Variants in ZNF638 observed in about 807,000 individuals in gnomAD.
ZNF638 encodes zinc finger protein 638, also known as CTCL tumor antigen se33-1.
A neutral mutation model predicts 195.6 loss-of-function variants in ZNF638; 46 were observed. That is an observed-to-expected ratio of 0.24 (90% CI 0.19 to 0.30). The LOEUF is 0.30. Among genes scored for constraint, ZNF638 ranks in the 10% least tolerant of loss-of-function variants. ZNF638 has a pLI of 1.00. For missense variants in ZNF638, 2,440 were observed against 2,325.3 expected (o/e 1.05, Z -1.01); for synonymous variants, 845 against 772.0 (o/e 1.09, Z -1.57).
At position 71,395,435 on chromosome 2, in the gene ZNF638, A is replaced by C. The variant is rs978525433; in HGVS notation, c.2378-706A>C. On this transcript the variant is annotated intron_variant, in intron 10 of 27. Coordinates refer to ENST00000264447, the MANE Select transcript of ZNF638 (RefSeq NM_014497.5). ...TCTTGGAAGTCCAGGAGGTTTTGCAAAGCTTCGGGAGAGAATAAAGGCTGA... is the reference window on the plus strand; with the variant it reads ...TCTTGGAAGTCCAGGAGGTTTTGCACAGCTTCGGGAGAGAATAAAGGCTGA... The C allele has an allele frequency of 4.7e-6, 3 of 635,168 alleles. No individual in the cohort carries two copies. In the African/African-American group the frequency reaches 5.5e-5, roughly 12 times the overall value. The allele number at this position is 635,168 out of a possible 1,614,324, so 39.3% of individuals were successfully genotyped here. A position where few individuals can be genotyped will look rare whatever the true frequency, so the allele number is the denominator to read the frequency against.
intron 6 of ZNF638, among the ~76,000 whole-genome samples, chr2:71,367,788 C>CT (rs2079230033): frequency 6.7e-6 from 1 of 148,808 alleles, no homozygotes; most frequent in Non-Finnish European, 1.5e-5. Context: ...CCATCCTGGT[C>CT]TTAAACTCCT....
intron 21 of ZNF638, among the ~76,000 whole-genome samples, chr2:71,420,905 T>C (rs1307092280): frequency 3.3e-5 from 5 of 152,234 alleles, no homozygotes; most frequent in African/African-American, 1.2e-4. Flanking sequence ...AGGACAAATA[T>C]GGAATTAAAT....
intron 1 of ZNF638, among the ~76,000 whole-genome samples, chr2:71,332,508 G>C (rs962670715): frequency 4.6e-5 from 7 of 152,216 alleles, no homozygotes; most frequent in African/African-American, 1.7e-4. Context: ...TGAAACCAAA[G>C]AAAATATCAC....
In ZNF638 at chr2:71,364,270, A is replaced by G. The variant is rs536253936; in HGVS notation, c.1717+18A>G. 1 of 1,595,096 alleles carries G rather than the reference A, an allele frequency of 6.3e-7. No individual in the cohort carries two copies. The highest frequency in any genetic ancestry group is 1.1e-5 in the South Asian group (1 of 88,530). ...ATCATCAGGTACACTGATGGCCATGAAATAGTGAATGTACTTATTTTGACT... is the reference window on the plus strand; with the variant it reads ...ATCATCAGGTACACTGATGGCCATGGAATAGTGAATGTACTTATTTTGACT... On this transcript the variant is annotated intron_variant, in intron 5 of 27. Coordinates refer to ENST00000264447, the MANE Select transcript of ZNF638 (RefSeq NM_014497.5).
At chr2:71,336,850 C>T (rs2078679987) in intron 1 of ZNF638, among the ~76,000 whole-genome samples, 1 of 152,168 alleles carries the variant, frequency 6.6e-6, no homozygotes, top group Admixed American at 6.5e-5. Context: ...GACTGTGCTG[C>T]ACTACCTCTC....
At chr2:71,406,327 G>T in intron 19 of ZNF638, 65 bp downstream of exon 19, 1 of 1,431,262 alleles carries the variant, frequency 7.0e-7, no homozygotes, top group South Asian at 1.2e-5. Flanking sequence ...CCTGTATTCT[G>T]ACAATCTGCA....
At chr2:71,360,511 AT>A (rs1267888092) in intron 3 of ZNF638, among the ~76,000 whole-genome samples, 1 of 151,604 alleles carries the variant, frequency 6.6e-6, no homozygotes, top group Non-Finnish European at 1.5e-5. Context: ...TTCAGTTAAG[AT>A]TTATGCATTA....
Position 71,426,587 on chromosome 2 carries a change from C to G in ZNF638, c.4718C>G (p.Pro1573Arg). Residue 1573 changes from proline (P) to arginine (R), a missense_variant, in exon 24 of 28, where the codon CCT (proline) becomes CGT (arginine). Coordinates refer to ENST00000264447, the MANE Select transcript of ZNF638 (RefSeq NM_014497.5). Reference protein sequence around the residue: ...GKRKETLKNVPFSELNLKKKK... With the variant: ...GKRKETLKNVRFSELNLKKKK... Reference sequence around the variant, plus strand: ...AGGAAAGAAACTCTCAAAAATGTTCCTTTCTCTGAACTTAACTTAAAGAAG... The same window carrying G: ...AGGAAAGAAACTCTCAAAAATGTTCGTTTCTCTGAACTTAACTTAAAGAAG... 1 of 1,614,102 alleles carries G rather than the reference C, an allele frequency of 6.2e-7. No individual in the cohort carries two copies. The highest frequency in any genetic ancestry group is 2.2e-5 in the East Asian group (1 of 44,870).
Position 71,406,197 on chromosome 2 carries a change from G to A in ZNF638, c.3070G>A (p.Val1024Ile), listed in dbSNP as rs200414897. ...TTTACCGGAAGATGGACTTCAGTGTGTACTTTGTGTTGGACTTCAGTTTGG... is the reference window on the plus strand; with the variant it reads ...TTTACCGGAAGATGGACTTCAGTGTATACTTTGTGTTGGACTTCAGTTTGG... ...DNLPEDGLQC[V>I]LCVGLQFGKV... Residue 1024 changes from valine (V) to isoleucine (I), a missense_variant, in exon 19 of 28, where the codon GTA (valine) becomes ATA (isoleucine). Val to Ile is a conservative substitution (Grantham distance 29). Around this residue, in one of 5 missense-constraint regions of ZNF638, gnomAD observed 1,883 missense variants for 1,739.1 expected, o/e 1.08. Coordinates refer to ENST00000264447, the MANE Select transcript of ZNF638 (RefSeq NM_014497.5). 4.3e-6 allele frequency: 7 copies of A among 1,613,586 alleles called. No homozygotes were observed. The highest frequency in any genetic ancestry group is 5.9e-6 in the Non-Finnish European group (7 of 1,179,608).
At chr2:71,403,795 T>C in intron 16 of ZNF638, 75 bp from the exon 17 acceptor site, 1 of 1,108,000 alleles carries the variant, frequency 9.0e-7, no homozygotes, top group South Asian at 1.8e-5. Flanking sequence ...AAGTAGTTTG[T>C]TTATACTTGC....
At chr2:71,359,533 A>G (rs980071175) in intron 3 of ZNF638, among the ~76,000 whole-genome samples, 1 of 152,344 alleles carries the variant, frequency 6.6e-6, no homozygotes, top group Non-Finnish European at 1.5e-5. Flanking sequence ...ACTGACTCAC[A>G]GACTAATCTT....
chr2:71,423,961 T>G lies in ZNF638; in HGVS notation c.4447T>G (p.Tyr1483Asp), dbSNP rs751939405. Reference sequence around the variant, plus strand: ...GCAAGGCAAGCTTTCTAAACTGGATTACAGAGATATAACAAAACAATCTCA... The same window carrying G: ...GCAAGGCAAGCTTTCTAAACTGGATGACAGAGATATAACAAAACAATCTCA... ...ALQGKLSKLD[Y>D]RDITKQSQET... Residue 1483 changes from tyrosine to aspartate, a missense_variant, in exon 22 of 28, where the codon TAC becomes GAC. Around this residue, in one of 5 missense-constraint regions of ZNF638, gnomAD observed 1,883 missense variants for 1,739.1 expected, o/e 1.08. Transcript: ENST00000264447. The G allele has an allele frequency of 5.0e-6, 8 of 1,613,926 alleles. No individual in the cohort carries two copies. The highest frequency in any genetic ancestry group is 6.8e-6 in the Non-Finnish European group (8 of 1,179,986).
intron 1 of ZNF638, among the ~76,000 whole-genome samples, chr2:71,347,797 G>C (rs1047634346): frequency 6.6e-6 from 1 of 152,196 alleles, no homozygotes; most frequent in South Asian, 2.1e-4. Context: ...CCTGGAAACT[G>C]TAAGTTACTT....
At position 71,386,531 on chromosome 2, in the gene ZNF638, A is replaced by G. The variant is rs147930427; in HGVS notation, c.2377+5966A>G. Among the ~76,000 whole-genome samples the G allele has an allele frequency of 1.7e-3, 262 of 152,286 alleles. 1 individual carries two copies. Among genetic ancestry groups the G allele is most frequent in the African/African-American group, 6.1e-3 (253 of 41,564 alleles). On this transcript the variant is annotated intron_variant, in intron 10 of 27. Transcript: ENST00000264447. ...AAAACTAATAACCATTAACCAGTAC[A>G]ATGTAATTCAAGAGGCATGGAAATT... is the stretch of plus-strand genomic sequence containing the variant.
At chr2:71,417,123 A>G (rs1210843675) in intron 20 of ZNF638, among the ~76,000 whole-genome samples, 1 of 146,632 alleles carries the variant, frequency 6.8e-6, no homozygotes, top group Non-Finnish European at 1.5e-5. Context: ...GCTAGCAATC[A>G]GCGAGATTCC....
At chr2:71,351,250 C>T (rs971545642) in intron 2 of ZNF638, among the ~76,000 whole-genome samples, 4 of 152,094 alleles carry the variant, frequency 2.6e-5, no homozygotes, top group Non-Finnish European at 2.9e-5. Context: ...TGCTGCCTTT[C>T]GATTTTCTTT....
intron 10 of ZNF638, among the ~76,000 whole-genome samples, chr2:71,383,433 A>G (rs1285164319): frequency 6.6e-6 from 1 of 152,154 alleles, no homozygotes; most frequent in Non-Finnish European, 1.5e-5. Flanking sequence ...AAAGCGTTGC[A>G]TATACTAAAT....
Position 71,423,468 on chromosome 2 carries a change from G to C in ZNF638, c.3954G>C (p.Lys1318Asn), listed in dbSNP as rs370943989. The change falls in exon 22 of 28, where the codon AAG becomes AAC. Residue 1318 changes from lysine (K) to asparagine (N), a missense_variant. Lys to Asn is a moderately conservative substitution (Grantham distance 94). Around this residue, in one of 5 missense-constraint regions of ZNF638, gnomAD observed 1,883 missense variants for 1,739.1 expected, o/e 1.08. Transcript: ENST00000264447. ...AGGAGGAGAAGGAATTTAATACTAA[G>C]GAAACCAGAATGGATCTTCAAATAG... ...DEKEEKEFNT[K>N]ETRMDLQIGT... The C allele has an allele frequency of 1.2e-6, 2 of 1,613,346 alleles. No individual in the cohort carries two copies. Among genetic ancestry groups the C allele is most frequent in the Non-Finnish European group, 1.7e-6 (2 of 1,179,856 alleles).
At chr2:71,367,431 ATTT>A (rs3077439) in intron 6 of ZNF638, among the ~76,000 whole-genome samples, 1 of 112,718 alleles carries the variant, frequency 8.9e-6, no homozygotes, top group Non-Finnish European at 1.7e-5. Context: ...GGGTGTTTTA[ATTT>A]TTTTTTTTTT....
Sources: allele counts gnomAD v4.1 joint callset (sites outside exome capture counted in the v4.1 genomes callset), GRCh38; gene constraint gnomAD v4.1.1; regional missense constraint gnomAD v4.1.1; transcripts MANE v1.5; gene names NCBI Gene and HGNC (gene_info 2026-07-23, HGNC 2026-07-21).